CRYBA4: variants seen among roughly 807,000 people sequenced by gnomAD.
CRYBA4 encodes the protein beta-crystallin A4.
In CRYBA4, 30 loss-of-function variants were observed where a neutral mutation model predicts 31.7. The observed-to-expected ratio is 0.95, with a 90% confidence interval of 0.71 to 1.28. The LOEUF (loss-of-function observed/expected upper bound fraction) is 1.28, where lower values mean the gene tolerates loss of function less well. Among genes scored for constraint, CRYBA4 ranks in the 50% most tolerant of loss-of-function variants. The pLI is 0.00. For missense variants in CRYBA4, 225 were observed against 260.7 expected, an observed-to-expected ratio of 0.86 and a Z score of 0.94; for synonymous variants, 102 against 102.3, an observed-to-expected ratio of 1.00 and a Z score of 0.02.
the CRYBA4 span, chr22:26,611,961 A>G: frequency 7.6e-6 from 6 of 794,204 alleles, no homozygotes; most frequent in African/African-American, 1.7e-5. Flanking sequence ...TGTATGTGCC[A>G]GGAGTACGAA....
At chr22:26,605,630 G>A in the CRYBA4 span, among the ~76,000 whole-genome samples, 2 of 129,606 alleles carry the variant, frequency 1.5e-5, no homozygotes, top group Admixed American at 9.8e-5. Flanking sequence ...GCCAGAACGT[G>A]CCACTACACT....
intron 4 of CRYBA4, among the ~76,000 whole-genome samples, chr22:26,625,999 A>C (rs976223366): frequency 6.6e-6 from 1 of 152,030 alleles, no homozygotes; most frequent in African/African-American, 2.4e-5. Flanking sequence ...TCTTGCTCCT[A>C]ATTCAGCATC....
chr22:26,611,954 A>G, the CRYBA4 span: 1 of 774,240 alleles, frequency 1.3e-6, no homozygotes, highest in Non-Finnish European at 2.3e-6. Context: ...GACATAATGT[A>G]TGTGCCAGGA....
the CRYBA4 span, chr22:26,599,227 C>CTTA: frequency 1.6e-5 from 8 of 509,050 alleles, no homozygotes; most frequent in Admixed American, 2.7e-4. Flanking sequence ...GGAACTTGGC[C>CTTA]TTATTCATTT....
intron 3 of CRYBA4, 147 bp from the exon 4 acceptor site, chr22:26,625,334 A>T: frequency 3.3e-6 from 3 of 922,392 alleles, no homozygotes; most frequent in Non-Finnish European, 4.9e-6. Context: ...GACAACCAAA[A>T]ATGTCTCCAG....
the CRYBA4 span, chr22:26,607,737 T>G: frequency 7.1e-6 from 7 of 979,922 alleles, no homozygotes; most frequent in Non-Finnish European, 1.1e-5. Flanking sequence ...GATGAATTGA[T>G]GAGCTCAAGA....
chr22:26,612,218 G>A, the CRYBA4 span: 1 of 1,479,756 alleles, frequency 6.8e-7, no homozygotes, highest in Non-Finnish European at 9.5e-7. Flanking sequence ...CCATGCCAAG[G>A]GCAGAGTGAG....
At chr22:26,609,836 A>T in the CRYBA4 span, among the ~76,000 whole-genome samples, 2 of 152,190 alleles carry the variant, frequency 1.3e-5, no homozygotes, top group African/African-American at 4.8e-5. Flanking sequence ...GGCAGCACTT[A>T]CACCTGCTAA....
chr22:26,597,059 G>T, the CRYBA4 span, among the ~76,000 whole-genome samples: 1 of 152,202 alleles, frequency 6.6e-6, no homozygotes, highest in Admixed American at 6.5e-5. Context: ...TTGAGGTGGG[G>T]AGAATGAAAG....
chr22:26,604,885 G>A, the CRYBA4 span, among the ~76,000 whole-genome samples: 3 of 152,128 alleles, frequency 2.0e-5, no homozygotes, highest in Admixed American at 2.0e-4. Context: ...ACTGCTAGAG[G>A]GGTCAAGACT....
At chr22:26,595,305 A>T in the CRYBA4 span, among the ~76,000 whole-genome samples, 1 of 152,304 alleles carries the variant, frequency 6.6e-6, no homozygotes, top group Non-Finnish European at 1.5e-5. Context: ...GGCCAGGCGC[A>T]GTGGCTTACG....
At chr22:26,612,508 CCCA>C in the CRYBA4 span, among the ~76,000 whole-genome samples, 1 of 152,186 alleles carries the variant, frequency 6.6e-6, no homozygotes, top group African/African-American at 2.4e-5. Flanking sequence ...ATTACAGGCA[CCCA>C]CCACCATGCC....
chr22:26,599,049 T>C, the CRYBA4 span, among the ~76,000 whole-genome samples: 1 of 152,180 alleles, frequency 6.6e-6, no homozygotes, highest in Admixed American at 6.5e-5. Flanking sequence ...GGCCAAGTAC[T>C]TGTCCTCCAC....
the CRYBA4 span, among the ~76,000 whole-genome samples, chr22:26,600,967 A>T: frequency 1.3e-5 from 2 of 152,230 alleles, no homozygotes; most frequent in Non-Finnish European, 2.9e-5. Context: ...AGGCCAAGTA[A>T]GTTCCTTGAA....
At chr22:26,610,254 A>C in the CRYBA4 span, among the ~76,000 whole-genome samples, 1 of 152,204 alleles carries the variant, frequency 6.6e-6, no homozygotes, top group Non-Finnish European at 1.5e-5. Context: ...CTAAGGTCAC[A>C]TGATGGTGTT....
chr22:26,602,643 G>A, the CRYBA4 span, among the ~76,000 whole-genome samples: 2 of 152,002 alleles, frequency 1.3e-5, no homozygotes, highest in Non-Finnish European at 2.9e-5. Context: ...GGACAAAAAG[G>A]CTCAGAGAGG....
upstream of CRYBA4, among the ~76,000 whole-genome samples, chr22:26,621,085 C>T (rs147483996): frequency 8.5e-5 from 13 of 152,278 alleles, no homozygotes; most frequent in East Asian, 2.5e-3. Flanking sequence ...TGAGGGACCT[C>T]TTAGGTCCCT....
At chr22:26,599,693 G>A in the CRYBA4 span, 2 of 1,609,452 alleles carry the variant, frequency 1.2e-6, no homozygotes, top group Non-Finnish European at 1.7e-6. Context: ...AAGTGAGAAG[G>A]ACAGAGTGGA....
At chr22:26,618,275 G>A (rs1209246965), upstream of CRYBA4, among the ~76,000 whole-genome samples, 1 of 152,202 alleles carries the variant, frequency 6.6e-6, no homozygotes, top group Non-Finnish European at 1.5e-5. Flanking sequence ...ACCCCAGCCA[G>A]GGATGGGCCC....
Sources: allele counts gnomAD v4.1 joint callset (sites outside exome capture counted in the v4.1 genomes callset), GRCh38; gene constraint gnomAD v4.1.1; transcripts MANE v1.5; gene names NCBI Gene and HGNC (gene_info 2026-07-23, HGNC 2026-07-21).